The following NME7 variants were observed in gnomAD, a reference collection of about 807,000 sequenced individuals.
NME7 encodes the protein nucleoside diphosphate kinase 7.
NME7 carries 41 observed loss-of-function variants against 49.1 expected under a neutral mutation model. The ratio of observed to expected loss-of-function variants is 0.83; its 90% confidence interval spans 0.65 to 1.08. NME7 has a LOEUF of 1.08. NME7 is among the 50% of genes least tolerant of loss of function. The pLI is 0.00. For synonymous variants in NME7, 139 were observed against 150.6 expected (o/e 0.92, Z 0.56); for missense variants, 423 against 463.4 (o/e 0.91, Z 0.80).
chr1:169,350,608 C>G (rs1024328168), intron 1 of NME7, among the ~76,000 whole-genome samples: 1 of 151,812 alleles, frequency 6.6e-6, no homozygotes, highest in Non-Finnish European at 1.5e-5. Context: ...CTTTCTCTCC[C>G]TCTCTCTAGC....
intron 7 of NME7, chr1:169,247,073 A>T (rs1350588863): frequency 2.2e-6 from 1 of 456,136 alleles, no homozygotes; most frequent in East Asian, 6.9e-5. Flanking sequence ...GTGAAGAAAG[A>T]CAGGCTCAGC....
chr1:169,146,772 C>T (rs1333229262), intron 11 of NME7, among the ~76,000 whole-genome samples: 1 of 152,094 alleles, frequency 6.6e-6, no homozygotes, highest in Non-Finnish European at 1.5e-5. Context: ...AGACATGGCC[C>T]CTGCCCTCAA....
chr1:169,200,978 C>G (rs1292520496), intron 10 of NME7, among the ~76,000 whole-genome samples: 4 of 152,056 alleles, frequency 2.6e-5, no homozygotes, highest in Non-Finnish European at 5.9e-5. Context: ...CATCTGTAAT[C>G]CCAGCACTTT....
At position 169,254,888 on chromosome 1, in the gene NME7, T is replaced by G. The variant is rs1262433614; in HGVS notation, c.755-17201A>C. On this transcript the variant is annotated intron_variant, in intron 7 of 11. Transcript: ENST00000367811. ...GTTGAGCGGTTTTGAGTGAGATTCT[T>G]AATCCTGAGTTCTAGTTTGATTGCA... Among the ~76,000 whole-genome samples the G allele has an allele frequency of 1.5e-5, 2 of 130,142 alleles. 1 individual carries two copies. Among genetic ancestry groups the G allele is most frequent in the Non-Finnish European group, 3.5e-5 (2 of 57,648 alleles). The allele number at this position is 130,142 out of a possible 152,430, so 85.4% of individuals were successfully genotyped here. A position where few individuals can be genotyped will look rare whatever the true frequency, so the allele number is the denominator to read the frequency against.
intron 10 of NME7, among the ~76,000 whole-genome samples, chr1:169,199,788 T>C (rs1248755783): frequency 6.6e-6 from 1 of 152,106 alleles, no homozygotes; most frequent in Non-Finnish European, 1.5e-5. Flanking sequence ...ACTAAAAGTT[T>C]ACTCAGCCAA....
chr1:169,342,578 ATATATATATATACAAGTACATATATATAG>A (rs1204033395), intron 1 of NME7, among the ~76,000 whole-genome samples: 2,066 of 92,618 alleles, frequency 0.022, 360 homozygotes, highest in East Asian at 0.082. Flanking sequence ...TATATATAGT[ATATATATATATACAAGTACATATATATAG>A]TATATATATA....
At chr1:169,138,171 C>T (rs1218747548) in intron 11 of NME7, among the ~76,000 whole-genome samples, 1 of 151,950 alleles carries the variant, frequency 6.6e-6, no homozygotes. Context: ...ATTAGCTGTG[C>T]GTGGTACTGC....
At chr1:169,156,070 C>T (rs902188477) in intron 11 of NME7, among the ~76,000 whole-genome samples, 2 of 151,284 alleles carry the variant, frequency 1.3e-5, no homozygotes, top group South Asian at 4.2e-4. Flanking sequence ...TAATTTCCAA[C>T]ACTTTGAGAG....
chr1:169,280,423 G>T (rs900196375), intron 7 of NME7, among the ~76,000 whole-genome samples: 1 of 152,122 alleles, frequency 6.6e-6, no homozygotes, highest in East Asian at 2.0e-4. Context: ...TCACTCTGAT[G>T]ATAGTTTCTT....
intron 10 of NME7, among the ~76,000 whole-genome samples, chr1:169,221,716 C>T (rs1241538343): frequency 6.6e-6 from 1 of 151,254 alleles, no homozygotes; most frequent in Non-Finnish European, 1.5e-5. Context: ...AACTTGAACA[C>T]ACATGTGCAC....
At chr1:169,266,491 T>A (rs1465819528) in intron 7 of NME7, among the ~76,000 whole-genome samples, 2 of 134,088 alleles carry the variant, frequency 1.5e-5, no homozygotes, top group East Asian at 4.0e-4. Flanking sequence ...ACAGTCAACA[T>A]CATGCTGAAT....
In NME7 at chr1:169,287,179, C is replaced by A. The variant is rs561066082; in HGVS notation, c.754+124G>T. ...ATATTTTGTCACCTTTACTCAAGTG[C>A]CTTCAAAGAAAAAAAATGGAAATAC... On this transcript the variant is annotated intron_variant, in intron 7 of 11. Coordinates refer to ENST00000367811, the MANE Select transcript of NME7 (RefSeq NM_013330.5). The A allele has an allele frequency of 1.8e-3, 1,384 of 776,482 alleles. 4 individuals carry two copies. The highest frequency in any genetic ancestry group is 2.8e-3 in the South Asian group (170 of 59,902). 48.1% of individuals were successfully genotyped at this position (776,482 alleles called of 1,614,324 possible).
At chr1:169,300,910 CATT>C (rs1347796343) in intron 5 of NME7, among the ~76,000 whole-genome samples, 9 of 152,108 alleles carry the variant, frequency 5.9e-5, no homozygotes, top group Non-Finnish European at 1.2e-4. Flanking sequence ...GGCCCCTTAA[CATT>C]AACCATATAC....
intron 11 of NME7, among the ~76,000 whole-genome samples, chr1:169,150,406 T>G (rs1390425909): frequency 1.3e-5 from 2 of 152,156 alleles, no homozygotes; most frequent in Non-Finnish European, 1.5e-5. Flanking sequence ...TCTCTGGATT[T>G]CAAGGGCCCT....
intron 11 of NME7, among the ~76,000 whole-genome samples, chr1:169,162,279 TGCAGGGG>T (rs1282206630): frequency 1.3e-5 from 2 of 152,188 alleles, no homozygotes; most frequent in Admixed American, 6.5e-5. Context: ...ATTTTCTCTG[TGCAGGGG>T]GCAGGAAGAA....
intron 4 of NME7, among the ~76,000 whole-genome samples, chr1:169,308,947 C>T (rs1651283983): frequency 2.0e-5 from 3 of 152,142 alleles, no homozygotes; most frequent in South Asian, 2.1e-4. Flanking sequence ...TTTCCAAATG[C>T]ATCATCTTTG....
intron 11 of NME7, among the ~76,000 whole-genome samples, chr1:169,150,876 C>A (rs1212048070): frequency 6.6e-6 from 1 of 152,058 alleles, no homozygotes; most frequent in Non-Finnish European, 1.5e-5. Flanking sequence ...ACATAAAAGG[C>A]TACACTAAAA....
At chr1:169,206,907 A>G (rs993655581) in intron 10 of NME7, among the ~76,000 whole-genome samples, 2 of 152,164 alleles carry the variant, frequency 1.3e-5, no homozygotes, top group African/African-American at 4.8e-5. Context: ...GTTTATATTT[A>G]TGGAATTCTA....
rs567972218 is a variant in NME7, at chr1:169,296,306, T to C, written c.648+2250A>G. 8.9e-4 allele frequency among the ~76,000 whole-genome samples: 135 copies of C among 152,280 alleles called. 1 individual carries two copies. Among genetic ancestry groups the C allele is most frequent in the African/African-American group, 3.2e-3 (132 of 41,566 alleles). ...ATATCCACATTGCAAAATTTAACAA[T>C]CCATTCTTAGTCCTCTTCTTACTTG... On this transcript the variant is annotated intron_variant, in intron 6 of 11. Coordinates refer to ENST00000367811, the MANE Select transcript of NME7 (RefSeq NM_013330.5).
Sources: allele counts gnomAD v4.1 joint callset (sites outside exome capture counted in the v4.1 genomes callset), GRCh38; gene constraint gnomAD v4.1.1; transcripts MANE v1.5; gene names NCBI Gene and HGNC (gene_info 2026-07-23, HGNC 2026-07-21).